Variants in JAZF1 observed in about 807,000 individuals in gnomAD.
JAZF1 encodes the protein juxtaposed with another zinc finger protein 1.
Under a neutral mutation model 26.4 loss-of-function variants are expected in JAZF1, and 8 were observed. The observed-to-expected ratio is 0.30, with a 90% CI of 0.18 to 0.55. The LOEUF (loss-of-function observed/expected upper bound fraction) is 0.55, where lower values mean the gene tolerates loss of function less well. JAZF1 is among the 20% of genes least tolerant of loss of function. JAZF1 has a pLI of 0.94. For missense variants in JAZF1, 199 were observed against 322.0 expected, an observed-to-expected ratio of 0.62 and a Z score of 2.92; for synonymous variants, 126 against 122.3, an observed-to-expected ratio of 1.03 and a Z score of -0.20.
chr7:28,076,254 G>A (rs1784049640), intron 1 of JAZF1, among the ~76,000 whole-genome samples: 1 of 152,192 alleles, frequency 6.6e-6, no homozygotes, highest in African/African-American at 2.4e-5. Context: ...AAATGGGAAG[G>A]TGCTTAATGT....
At chr7:27,898,912 C>G (rs1784117846) in intron 2 of JAZF1, among the ~76,000 whole-genome samples, 1 of 152,094 alleles carries the variant, frequency 6.6e-6, no homozygotes, top group Non-Finnish European at 1.5e-5. Context: ...TACCAAGGTA[C>G]ACAGCTGCAC....
At chr7:28,132,212 CG>C (rs1396210832) in intron 1 of JAZF1, among the ~76,000 whole-genome samples, 1 of 152,138 alleles carries the variant, frequency 6.6e-6, no homozygotes, top group Non-Finnish European at 1.5e-5. Context: ...CAGTACATGG[CG>C]GTCTTGGCCC....
chr7:27,907,353 T>C lies in JAZF1; in HGVS notation c.189-11937A>G, dbSNP rs111417737. 5.8e-3 allele frequency among the ~76,000 whole-genome samples: 887 copies of C among 152,294 alleles called. 10 individuals are homozygous for C. The highest frequency in any genetic ancestry group is 0.02 in the African/African-American group (848 of 41,574). ...CTCAGAGTTGTGGTATTTCCATGGGTGCTGGCCTTGTGCTCCTGACCCTTT... is the reference window on the plus strand; with the variant it reads ...CTCAGAGTTGTGGTATTTCCATGGGCGCTGGCCTTGTGCTCCTGACCCTTT... On this transcript the variant is annotated intron_variant, in intron 2 of 4. Transcript: ENST00000283928.
intron 1 of JAZF1, among the ~76,000 whole-genome samples, chr7:28,031,905 G>A (rs1485622769): frequency 6.6e-6 from 1 of 152,084 alleles, no homozygotes; most frequent in Admixed American, 6.6e-5. Context: ...AAGAAAATGG[G>A]CTTCTTTTCT....
intron 1 of JAZF1, among the ~76,000 whole-genome samples, chr7:28,143,834 C>T (rs938967384): frequency 3.3e-5 from 5 of 152,126 alleles, no homozygotes; most frequent in African/African-American, 7.2e-5. Flanking sequence ...CCTTATATAC[C>T]GTAAGCCAGG....
intron 2 of JAZF1, among the ~76,000 whole-genome samples, chr7:27,955,098 T>A (rs1164504591): frequency 3.3e-5 from 5 of 152,210 alleles, no homozygotes; most frequent in Admixed American, 6.5e-5. Flanking sequence ...TAAATGACAA[T>A]TAAGTTGCCT....
At chr7:28,004,283 G>A (rs1282897789) in intron 1 of JAZF1, among the ~76,000 whole-genome samples, 5 of 152,086 alleles carry the variant, frequency 3.3e-5, no homozygotes, top group South Asian at 2.1e-4. Flanking sequence ...AATACCTGAC[G>A]CCTATGATCC....
intron 2 of JAZF1, among the ~76,000 whole-genome samples, chr7:27,977,127 C>T (rs983814841): frequency 6.6e-6 from 1 of 152,124 alleles, no homozygotes; most frequent in African/African-American, 2.4e-5. Flanking sequence ...CTATTGACTG[C>T]TTTGTTTTGT....
At chr7:27,909,138 T>C (rs997294867) in intron 2 of JAZF1, among the ~76,000 whole-genome samples, 1 of 146,222 alleles carries the variant, frequency 6.8e-6, no homozygotes, top group Admixed American at 6.7e-5. Context: ...GCCTCTTGAG[T>C]AGCTAGGACT....
chr7:28,133,995 T>G (rs1782840846), intron 1 of JAZF1, among the ~76,000 whole-genome samples: 1 of 152,168 alleles, frequency 6.6e-6, no homozygotes, highest in African/African-American at 2.4e-5. Context: ...AGAAACATTA[T>G]CTTGTTTATT....
intron 1 of JAZF1, among the ~76,000 whole-genome samples, chr7:28,064,017 T>C (rs1471702074): frequency 6.6e-6 from 1 of 152,070 alleles, no homozygotes; most frequent in Non-Finnish European, 1.5e-5. Flanking sequence ...GCTCCATTTT[T>C]TCTCTTCCCA....
In JAZF1 at chr7:27,985,808, T is replaced by C. The variant is rs534367318; in HGVS notation, c.188+6101A>G. Among the ~76,000 whole-genome samples, 14 of 152,264 alleles carry C rather than the reference T, an allele frequency of 9.2e-5. No homozygotes were observed. In the East Asian group the frequency reaches 2.5e-3, roughly 27 times the overall value. On this transcript the variant is annotated intron_variant, in intron 2 of 4. Coordinates refer to ENST00000283928, the MANE Select transcript of JAZF1 (RefSeq NM_175061.4). ...GCAAGGCTGGTTCAACATACTCAAATCAATAAACGTAATCCATCATATAAA... is the reference window on the plus strand; with the variant it reads ...GCAAGGCTGGTTCAACATACTCAAACCAATAAACGTAATCCATCATATAAA...
chr7:27,838,862 C>T (rs1408240701), intron 4 of JAZF1, among the ~76,000 whole-genome samples: 3 of 152,100 alleles, frequency 2.0e-5, no homozygotes, highest in Non-Finnish European at 4.4e-5. Context: ...GGGATCAGGA[C>T]CACCAACTGC....
chr7:28,092,437 T>C lies in JAZF1; in HGVS notation c.115+88026A>G, dbSNP rs114340513. ...TAAAATACACGGTTGGACTGAGCTT[T>C]GATGTTATATTGCCTGTTCAGAAAG... On this transcript the variant is annotated intron_variant, in intron 1 of 4. Coordinates refer to ENST00000283928, the MANE Select transcript of JAZF1 (RefSeq NM_175061.4). 4.8e-3 allele frequency among the ~76,000 whole-genome samples: 727 copies of C among 151,798 alleles called. 6 individuals are homozygous for C. The highest frequency in any genetic ancestry group is 0.017 in the African/African-American group (712 of 41,458).
At chr7:28,056,419 G>C (rs533591194) in intron 1 of JAZF1, among the ~76,000 whole-genome samples, 16 of 143,372 alleles carry the variant, frequency 1.1e-4, no homozygotes, top group African/African-American at 4.0e-4. Flanking sequence ...TTCATTCCTT[G>C]AACTATTTCA....
intron 2 of JAZF1, among the ~76,000 whole-genome samples, chr7:27,982,147 G>C (rs961925448): frequency 6.6e-6 from 1 of 152,162 alleles, no homozygotes; most frequent in Non-Finnish European, 1.5e-5. Context: ...GGAGCAGGGC[G>C]GGGCATCACC....
chr7:28,110,553 A>AGGAAAAGGAAAAGGAAAAGGAAAG (rs1204827727), intron 1 of JAZF1, among the ~76,000 whole-genome samples: 5 of 56,110 alleles, frequency 8.9e-5, no homozygotes, highest in Admixed American at 2.5e-4. Context: ...GAAAAGGAAA[A>AGGAAAAGGAAAAGGAAAAGGAAAG]GGAAAGGGAA....
At chr7:28,100,230 A>G (rs750520336) in intron 1 of JAZF1, among the ~76,000 whole-genome samples, 60 of 152,170 alleles carry the variant, frequency 3.9e-4, no homozygotes, top group Non-Finnish European at 1.0e-4. Flanking sequence ...TTCAAAATAA[A>G]CTATAAACCA....
intron 1 of JAZF1, among the ~76,000 whole-genome samples, chr7:28,007,849 C>G (rs1292273052): frequency 6.6e-6 from 1 of 152,172 alleles, no homozygotes; most frequent in Non-Finnish European, 1.5e-5. Context: ...TGCTCCCACC[C>G]CATGCATGGC....
Sources: gnomAD v4.1 joint callset for allele counts (sites outside exome capture counted in the v4.1 genomes callset) on GRCh38, gnomAD v4.1.1 for gene constraint, MANE v1.5 for transcripts, NCBI Gene and HGNC (gene_info 2026-07-23, HGNC 2026-07-21) for gene names.